The following SH2D1B variants were observed in gnomAD, a reference collection of about 807,000 sequenced individuals.
SH2D1B encodes SH2 domain-containing protein 1B.
In SH2D1B, 11 loss-of-function variants were observed where a neutral mutation model predicts 16.3. That is an observed-to-expected ratio of 0.67 (90% CI 0.42 to 1.11). SH2D1B has a LOEUF of 1.11. SH2D1B is among the 50% of genes most tolerant of loss of function. The pLI, the probability that SH2D1B is intolerant of heterozygous loss-of-function variation, is 0.00. For missense variants in SH2D1B, 123 were observed against 153.1 expected (o/e 0.80, Z 1.04); for synonymous variants, 55 against 56.1 (o/e 0.98, Z 0.09).
At chr1:162,410,656 C>CTTTTTT (rs66614229) in intron 1 of SH2D1B, among the ~76,000 whole-genome samples, 15 of 129,960 alleles carry the variant, frequency 1.2e-4, no homozygotes, top group Non-Finnish European at 1.5e-4. Flanking sequence ...TTTTCTTTTT[C>CTTTTTT]TTTTTTTTTT....
At chr1:162,405,260 T>C (rs533279949) in intron 1 of SH2D1B, among the ~76,000 whole-genome samples, 20 of 152,180 alleles carry the variant, frequency 1.3e-4, no homozygotes, top group Non-Finnish European at 2.5e-4. Flanking sequence ...TGGCCCAGAG[T>C]CTGGGCATAG....
intron 2 of SH2D1B, among the ~76,000 whole-genome samples, chr1:162,400,821 C>T (rs934587755): frequency 2.6e-5 from 4 of 151,804 alleles, no homozygotes; most frequent in Non-Finnish European, 2.9e-5. Flanking sequence ...TGGTAGCAGA[C>T]GCCTGTAATC....
In SH2D1B at chr1:162,402,725, C is replaced by T. The variant is rs1648549932; in HGVS notation, c.198+14G>A. ...CTTTTGTGTTGTTGTTGTTGTCGTC[C>T]TTTTTGTTCTTACCTGTATCCTGTA... On this transcript the variant is annotated intron_variant, in intron 2 of 3. Transcript: ENST00000367929. The T allele has an allele frequency of 3.7e-6, 6 of 1,609,124 alleles. No homozygotes were observed. Among genetic ancestry groups the T allele is most frequent in the Non-Finnish European group, 5.1e-6 (6 of 1,175,742 alleles).
intron 1 of SH2D1B, 55 bp from the exon 2 acceptor site, chr1:162,402,857 T>A: frequency 7.2e-7 from 1 of 1,388,674 alleles, no homozygotes; most frequent in South Asian, 1.2e-5. Context: ...CCAGGTAACA[T>A]CTATCGTTAT....
intron 3 of SH2D1B, 111 bp from the exon 4 acceptor site, chr1:162,397,426 T>C (rs1433855971): frequency 2.7e-6 from 3 of 1,120,650 alleles, no homozygotes; most frequent in Non-Finnish European, 4.0e-6. Flanking sequence ...CAGAGCCATG[T>C]TGATGCCACC....
At chr1:162,400,027 C>T (rs1557909896) in intron 2 of SH2D1B, among the ~76,000 whole-genome samples, 1 of 152,172 alleles carries the variant, frequency 6.6e-6, no homozygotes, top group Non-Finnish European at 1.5e-5. Flanking sequence ...GCTTAGTATT[C>T]CATGGTGTAT....
In SH2D1B at chr1:162,397,132, T is replaced by C. The variant is rs1648396646; in HGVS notation, c.*148A>G. ...GGATGTGGAGAGTGACCTCTGGTGC[T>C]GGTGGGCAGAACATCTTCAGTTACA... On this transcript the variant is annotated 3_prime_UTR_variant, in exon 4 of 4. Coordinates refer to ENST00000367929, the MANE Select transcript of SH2D1B (RefSeq NM_053282.5). The C allele has an allele frequency of 7.7e-6, 6 of 780,156 alleles. No homozygotes were observed. Among genetic ancestry groups the C allele is most frequent in the Admixed American group, 4.4e-5 (2 of 45,036 alleles). The allele number at this position is 780,156 out of a possible 1,614,324, so 48.3% of individuals were successfully genotyped here. A position where few individuals can be genotyped will look rare whatever the true frequency, so the allele number is the denominator to read the frequency against.
chr1:162,401,856 A>G (rs1405605440), intron 2 of SH2D1B, among the ~76,000 whole-genome samples: 15 of 152,170 alleles, frequency 9.9e-5, no homozygotes, highest in Admixed American at 9.8e-4. Context: ...CCTTATATGT[A>G]AGTGTTTGAG....
At chr1:162,400,774 T>C (rs1404003797) in intron 2 of SH2D1B, among the ~76,000 whole-genome samples, 1 of 151,842 alleles carries the variant, frequency 6.6e-6, no homozygotes, top group Non-Finnish European at 1.5e-5. Context: ...ATGGCAAAAC[T>C]CCGTCTCTAC....
intron 1 of SH2D1B, among the ~76,000 whole-genome samples, chr1:162,407,453 T>C (rs11576975): frequency 0.096 from 14,561 of 152,260 alleles, 919 homozygotes; most frequent in Admixed American, 0.16. Flanking sequence ...ATATTAGCAA[T>C]TTGGCCCTAG....
At chr1:162,410,739 C>A (rs371200724) in intron 1 of SH2D1B, among the ~76,000 whole-genome samples, 12 of 151,390 alleles carry the variant, frequency 7.9e-5, no homozygotes, top group Non-Finnish European at 1.6e-4. Flanking sequence ...TCACTGCAAC[C>A]TCCACCACCC....
intron 1 of SH2D1B, among the ~76,000 whole-genome samples, chr1:162,403,508 AAAAAT>A (rs1352154143): frequency 8.8e-4 from 18 of 20,346 alleles, no homozygotes; most frequent in African/African-American, 1.2e-3. Context: ...AAAAAAAAAA[AAAAAT>A]ATATATATAT....
At chr1:162,399,457 GT>G (rs1307526158) in intron 2 of SH2D1B, among the ~76,000 whole-genome samples, 2 of 152,214 alleles carry the variant, frequency 1.3e-5, no homozygotes, top group Admixed American at 6.5e-5. Flanking sequence ...ACTATCGGAA[GT>G]GGACTTCTGA....
rs1393853679 is a variant in SH2D1B, at chr1:162,403,502, AAAAAAAAAAATATATATAT to A, written c.135-719_135-701del. Among the ~76,000 whole-genome samples, 204 of 44,258 alleles carry A rather than the reference AAAAAAAAAAATATATATAT, an allele frequency of 4.6e-3. 2 individuals are homozygous for A. The highest frequency in any genetic ancestry group is 0.012 in the African/African-American group (173 of 13,996). 29.0% of individuals were successfully genotyped at this position (44,258 alleles called of 152,430 possible). A position where few individuals can be genotyped will look rare whatever the true frequency, so the allele number is the denominator to read the frequency against. On this transcript the variant is annotated intron_variant, in intron 1 of 3. Coordinates refer to ENST00000367929, the MANE Select transcript of SH2D1B (RefSeq NM_053282.5). Reference sequence around the variant, plus strand: ...AGACTCTGTCTGAAAAAAAAAAAAAAAAAAAAAAAATATATATATATATATATATATATATATATATGTA... The same window carrying A: ...AGACTCTGTCTGAAAAAAAAAAAAAAATATATATATATATATATATATGTA...
chr1:162,396,157 C>G lies in SH2D1B; in HGVS notation c.*1123G>C, dbSNP rs896563999. 1 of 152,222 alleles carries G rather than the reference C, an allele frequency of 6.6e-6. No homozygotes were observed. The highest frequency in any genetic ancestry group is 2.4e-5 in the African/African-American group (1 of 41,450). The allele number at this position is 152,222 out of a possible 1,614,324, so 9.4% of individuals were successfully genotyped here. On this transcript the variant is annotated 3_prime_UTR_variant, in exon 4 of 4. Coordinates refer to ENST00000367929, the MANE Select transcript of SH2D1B (RefSeq NM_053282.5). ...GTCTGTTCATCTGTTCATATTACCTCTAAGTCGAGAGCTCCTCTCTTTTAA... is the reference window on the plus strand; with the variant it reads ...GTCTGTTCATCTGTTCATATTACCTGTAAGTCGAGAGCTCCTCTCTTTTAA...
In SH2D1B at chr1:162,398,998, G is replaced by A; in HGVS notation, c.288C>T (p.His96=). ...FEKPNQGMVV[H]LLKPIKRTSP... Reference sequence around the variant, plus strand: ...TGGTTCTCTTTATTGGCTTTAAAAGGTGAACCACCATCCCCTGATTTGGTT... The same window carrying A: ...TGGTTCTCTTTATTGGCTTTAAAAGATGAACCACCATCCCCTGATTTGGTT... Residue 96 remains histidine (H), a synonymous_variant, in exon 3 of 4, where the codon CAC becomes CAT. Transcript: ENST00000367929. 8 of 1,614,084 alleles carry A rather than the reference G, an allele frequency of 5.0e-6. No individual in the cohort carries two copies. The highest frequency in any genetic ancestry group is 6.8e-6 in the Non-Finnish European group (8 of 1,179,974).
At chr1:162,402,530 C>T (rs375891167) in intron 2 of SH2D1B, 79 of 463,250 alleles carry the variant, frequency 1.7e-4, no homozygotes, top group African/African-American at 1.4e-3. Flanking sequence ...AAAAACAAAA[C>T]AACAACAAAA....
chr1:162,411,502 C>A (rs1648795546), intron 1 of SH2D1B, among the ~76,000 whole-genome samples: 1 of 152,188 alleles, frequency 6.6e-6, no homozygotes, highest in African/African-American at 2.4e-5. Context: ...ATAAGTGTTT[C>A]AGATTGAAAT....
intron 3 of SH2D1B, 106 bp downstream of exon 3, chr1:162,398,817 G>A: frequency 1.5e-6 from 2 of 1,329,040 alleles, no homozygotes; most frequent in Non-Finnish European, 2.0e-6. Flanking sequence ...GCTTTTTAGA[G>A]ATAATGTCAC....
Sources: allele counts gnomAD v4.1 joint callset (sites outside exome capture counted in the v4.1 genomes callset), GRCh38; gene constraint gnomAD v4.1.1; transcripts MANE v1.5; gene names NCBI Gene and HGNC (gene_info 2026-07-23, HGNC 2026-07-21).